The following ZFPM1 variants were observed in gnomAD, a reference collection of about 807,000 sequenced individuals.
ZFPM1 encodes zinc finger protein, FOG family member 1.
ZFPM1 carries 28 observed loss-of-function variants against 46.3 expected under a neutral mutation model. That is an observed-to-expected ratio of 0.60 (90% CI 0.45 to 0.83). ZFPM1 has a LOEUF of 0.83. Ranked by LOEUF, ZFPM1 falls within the 40% of genes least tolerant of loss-of-function variation. The pLI is 0.00. For missense variants in ZFPM1, 1,878 were observed against 1,432.4 expected, an observed-to-expected ratio of 1.31 and a Z score of -5.02; for synonymous variants, 957 against 675.9, an observed-to-expected ratio of 1.42 and a Z score of -6.45.
At chr16:88,478,385 C>G (rs1597237559) in intron 1 of ZFPM1, among the ~76,000 whole-genome samples, 1 of 152,248 alleles carries the variant, frequency 6.6e-6, no homozygotes, top group Non-Finnish European at 1.5e-5. Context: ...CTGCAGGGCA[C>G]TCTTCCCGCC....
intron 1 of ZFPM1, among the ~76,000 whole-genome samples, chr16:88,473,088 C>G (rs1385501747): frequency 6.6e-6 from 1 of 152,266 alleles, no homozygotes; most frequent in African/African-American, 2.4e-5. Flanking sequence ...TGCAGCTGTG[C>G]GGTGGGAGCA....
intron 1 of ZFPM1, among the ~76,000 whole-genome samples, chr16:88,457,647 T>TC (rs1300855597): frequency 6.6e-6 from 1 of 152,076 alleles, no homozygotes; most frequent in South Asian, 2.1e-4. Flanking sequence ...CTTTTTTTTT[T>TC]CCTTAGTTAA....
At chr16:88,488,394 G>A (rs941389807) in intron 2 of ZFPM1, among the ~76,000 whole-genome samples, 6 of 152,260 alleles carry the variant, frequency 3.9e-5, no homozygotes, top group Non-Finnish European at 7.3e-5. Context: ...ACACAGCAGC[G>A]CAGGAGCTGT....
At chr16:88,520,154 G>C (rs1911717889) in intron 4 of ZFPM1, among the ~76,000 whole-genome samples, 1 of 139,558 alleles carries the variant, frequency 7.2e-6, no homozygotes, top group South Asian at 2.5e-4. Flanking sequence ...GATGACGGGT[G>C]AATGGGTGGA....
chr16:88,535,793 C>G lies in ZFPM1; in HGVS notation c.*814C>G, dbSNP rs1351474103. Reference sequence around the variant, plus strand: ...TGCAAGGGTCAGGGCACCCCCACCCCCCGTCTTCCCTGCCCTGCTGGGCTG... The same window carrying G: ...TGCAAGGGTCAGGGCACCCCCACCCGCCGTCTTCCCTGCCCTGCTGGGCTG... On this transcript the variant is annotated 3_prime_UTR_variant, in exon 10 of 10. Transcript: ENST00000319555. The G allele has an allele frequency of 1.3e-5, 2 of 152,710 alleles. No homozygotes were observed. The highest frequency in any genetic ancestry group is 6.5e-5 in the Admixed American group (1 of 15,288). 9.5% of individuals were successfully genotyped at this position (152,710 alleles called of 1,614,324 possible). A position where few individuals can be genotyped will look rare whatever the true frequency, so the allele number is the denominator to read the frequency against.
chr16:88,478,363 G>C (rs1484645417), intron 1 of ZFPM1, among the ~76,000 whole-genome samples: 4 of 152,254 alleles, frequency 2.6e-5, no homozygotes, highest in African/African-American at 9.6e-5. Context: ...GGGTGGGCCA[G>C]GGGTGGGGCT....
At chr16:88,532,504 A>AT in intron 7 of ZFPM1, 110 bp from the exon 8 acceptor site, 1 of 1,181,178 alleles carries the variant, frequency 8.5e-7, no homozygotes, top group South Asian at 1.5e-5. Flanking sequence ...ACCCTTCAGC[A>AT]CAGGGTCCCC....
rs557195141 is a variant in ZFPM1 at position 88,487,948 on chromosome 16, G to A, written c.146-1083G>A. Among the ~76,000 whole-genome samples the A allele has an allele frequency of 1.1e-4, 16 of 152,330 alleles. 1 individual carries two copies. In the East Asian group the frequency reaches 1.7e-3, roughly 17 times the overall value. On this transcript the variant is annotated intron_variant, in intron 2 of 9. Coordinates refer to ENST00000319555, the MANE Select transcript of ZFPM1 (RefSeq NM_153813.3). Reference sequence around the variant, plus strand: ...GCTGCCACTCCTCCCTGTCCTTGCCGCCGTCCCCGTCGGCACACGCTGCTC... The same window carrying A: ...GCTGCCACTCCTCCCTGTCCTTGCCACCGTCCCCGTCGGCACACGCTGCTC...
intron 4 of ZFPM1, among the ~76,000 whole-genome samples, chr16:88,519,987 T>C (rs1304740694): frequency 7.0e-6 from 1 of 143,044 alleles, no homozygotes; most frequent in South Asian, 2.2e-4. Flanking sequence ...GGTAGGTGGA[T>C]GGATGGGTGG....
chr16:88,478,602 C>T (rs1228842213), intron 1 of ZFPM1, among the ~76,000 whole-genome samples: 1 of 152,262 alleles, frequency 6.6e-6, no homozygotes, highest in Non-Finnish European at 1.5e-5. Context: ...CCTCCCAGTC[C>T]AGCCGGTGAA....
At chr16:88,526,295 G>A (rs557143788) in intron 4 of ZFPM1, among the ~76,000 whole-genome samples, 17 of 152,198 alleles carry the variant, frequency 1.1e-4, no homozygotes, top group South Asian at 4.1e-4. Context: ...GGGAAGTGCC[G>A]TATCTTCTGG....
chr16:88,500,352 G>A (rs933769428), intron 3 of ZFPM1, among the ~76,000 whole-genome samples: 33 of 152,188 alleles, frequency 2.2e-4, no homozygotes, highest in African/African-American at 7.5e-4. Flanking sequence ...GCCACAGGGC[G>A]CTCTTGGGAG....
intron 5 of ZFPM1, among the ~76,000 whole-genome samples, 176 bp from the exon 6 acceptor site, chr16:88,527,856 G>A (rs1912466970): frequency 6.6e-6 from 1 of 151,030 alleles, no homozygotes; most frequent in African/African-American, 2.4e-5. Flanking sequence ...CAGGCTGTGA[G>A]CACTCACAGG....
intron 1 of ZFPM1, among the ~76,000 whole-genome samples, chr16:88,474,848 A>G (rs561560070): frequency 1.1e-4 from 17 of 152,330 alleles, no homozygotes; most frequent in African/African-American, 3.8e-4. Context: ...TGCCTCCTGC[A>G]GAGCCTCCCA....
Position 88,533,425 on chromosome 16 carries a change from G to A in ZFPM1, c.1467G>A (p.Thr489=). The change falls in exon 10 of 10, where the codon ACG becomes ACA. Residue 489 remains threonine (T), a synonymous_variant. Coordinates refer to ENST00000319555, the MANE Select transcript of ZFPM1 (RefSeq NM_153813.3). ...GEPGPQAPSR[T]PSPRSPAPAR... ...CTGGGCCCCAGGCCCCGTCGCGGAC[G>A]CCGTCGCCGCGCAGCCCCGCCCCGG... 2.7e-6 allele frequency: 4 copies of A among 1,474,632 alleles called. No individual in the cohort carries two copies. The highest frequency in any genetic ancestry group is 2.7e-6 in the Non-Finnish European group (3 of 1,122,802). 91.3% of individuals were successfully genotyped at this position (1,474,632 alleles called of 1,614,324 possible). A position where few individuals can be genotyped will look rare whatever the true frequency, so the allele number is the denominator to read the frequency against.
intron 6 of ZFPM1, among the ~76,000 whole-genome samples, chr16:88,529,303 T>C (rs149392434): frequency 2.4e-4 from 37 of 152,118 alleles, no homozygotes; most frequent in African/African-American, 6.7e-4. Context: ...AGGGGGACGG[T>C]AAGACTCAGG....
intron 1 of ZFPM1, among the ~76,000 whole-genome samples, chr16:88,464,239 G>C (rs545418856): frequency 6.6e-6 from 1 of 152,198 alleles, no homozygotes; most frequent in African/African-American, 2.4e-5. Context: ...AGGGGCCGAG[G>C]CATGTGAGCC....
chr16:88,505,479 G>C (rs1318401305), intron 3 of ZFPM1, among the ~76,000 whole-genome samples: 1 of 152,210 alleles, frequency 6.6e-6, no homozygotes, highest in African/African-American at 2.4e-5. Context: ...CAGAGTTAAT[G>C]AAATCAAGAC....
At chr16:88,506,509 C>T (rs1381681711) in intron 3 of ZFPM1, among the ~76,000 whole-genome samples, 14 of 13,916 alleles carry the variant, frequency 1.0e-3, no homozygotes, top group Non-Finnish European at 1.7e-3. Flanking sequence ...TGGGGGCGGG[C>T]GGGCAGGGCA....
Sources: gnomAD v4.1 joint callset for allele counts (sites outside exome capture counted in the v4.1 genomes callset) on GRCh38, gnomAD v4.1.1 for gene constraint, MANE v1.5 for transcripts, NCBI Gene and HGNC (gene_info 2026-07-23, HGNC 2026-07-21) for gene names.